Variants in PHLDB3 observed in about 807,000 individuals in gnomAD.
The protein encoded by PHLDB3 is pleckstrin homology like domain family B member 3, also known as pleckstrin homology-like domain family B member 3.
PHLDB3 carries 86 observed loss-of-function variants against 85.7 expected under a neutral mutation model. The observed-to-expected ratio is 1.00, with a 90% confidence interval of 0.84 to 1.20. PHLDB3 has a LOEUF of 1.20. Ranked by LOEUF, PHLDB3 falls within the 50% of genes most tolerant of loss-of-function variation. The pLI, the probability that PHLDB3 is intolerant of heterozygous loss-of-function variation, is 0.00. For synonymous variants in PHLDB3, 376 were observed against 349.8 expected (o/e 1.07, Z -0.83); for missense variants, 995 against 873.0 (o/e 1.14, Z -1.76).
Position 43,501,746 on chromosome 19 carries a change from C to A in PHLDB3, c.522G>T (p.Gln174His). Residue 174 changes from glutamine to histidine, a missense_variant, in exon 4 of 16, where the codon CAG becomes CAT. Gln to His is a conservative substitution (Grantham distance 24). Coordinates refer to ENST00000292140, the MANE Select transcript of PHLDB3 (RefSeq NM_198850.4). ...QQAASEQRGR[Q>H]QREQEQRRLS... ...GAGCCAAACAGACCTGTTCCCGCTG[C>A]TGGCGGCCGCGCTGCTCCGAGGCCG... The A allele has an allele frequency of 6.3e-7, 1 of 1,583,748 alleles. No homozygotes were observed. Among genetic ancestry groups the A allele is most frequent in the African/African-American group, 1.3e-5 (1 of 74,516 alleles).
At position 43,479,588 on chromosome 19, in the gene PHLDB3, T is replaced by A; in HGVS notation, c.1491A>T (p.Pro497=). 1 of 650,460 alleles carries A rather than the reference T, an allele frequency of 1.5e-6. No homozygotes were observed. The highest frequency in any genetic ancestry group is 2.7e-6 in the Non-Finnish European group (1 of 364,628). The allele number at this position is 650,460 out of a possible 1,614,324, so 40.3% of individuals were successfully genotyped here. A position where few individuals can be genotyped will look rare whatever the true frequency, so the allele number is the denominator to read the frequency against. The change falls in exon 14 of 16, where the codon CCA becomes CCT. Residue 497 remains proline (P), a synonymous_variant. Coordinates refer to ENST00000292140, the MANE Select transcript of PHLDB3 (RefSeq NM_198850.4). Reference sequence around the variant, plus strand: ...GGCCTGGAGGGTGGGGTGGGGTGGGTGGGGCCTGGGGAGCAAAGAGACGGG... The same window carrying A: ...GGCCTGGAGGGTGGGGTGGGGTGGGAGGGGCCTGGGGAGCAAAGAGACGGG... ...SGPAVPAITA[P]PTPPHPPGPR...
intron 15 of PHLDB3, among the ~76,000 whole-genome samples, chr19:43,477,770 T>C (rs990109894): frequency 6.8e-6 from 1 of 147,126 alleles, no homozygotes; most frequent in Non-Finnish European, 1.5e-5. Context: ...ATGGCGCCAC[T>C]GTACTCAGGC....
rs1386475776 is a variant in PHLDB3 at position 43,492,947 on chromosome 19, A to G, written c.1149+1755T>C. ...AAATGAGGCAACTGTAAATGTATCA[A>G]TGTAAAACAATCTCCAAGATAGAGT... On this transcript the variant is annotated intron_variant, in intron 9 of 15. Coordinates refer to ENST00000292140, the MANE Select transcript of PHLDB3 (RefSeq NM_198850.4). Among the ~76,000 whole-genome samples, 5 of 152,258 alleles carry G rather than the reference A, an allele frequency of 3.3e-5. 1 individual carries two copies. The highest frequency in any genetic ancestry group is 1.3e-4 in the Admixed American group (2 of 15,268).
rs746408202 is a variant in PHLDB3 at position 43,502,057 on chromosome 19, C to T, written c.396+44G>A. ...GCTGGGAGTCCGGCTTTGCGGGTTC[C>T]GCTTGAGTTGGGGCCAGGCTTCCCA... is the stretch of plus-strand genomic sequence containing the variant. On this transcript the variant is annotated intron_variant, in intron 3 of 15. Coordinates refer to ENST00000292140, the MANE Select transcript of PHLDB3 (RefSeq NM_198850.4). 7 of 1,538,894 alleles carry T rather than the reference C, an allele frequency of 4.5e-6. No homozygotes were observed. In the South Asian group the frequency reaches 4.8e-5, roughly 11 times the overall value.
intron 13 of PHLDB3, among the ~76,000 whole-genome samples, chr19:43,480,492 TG>T (rs1971023559): frequency 6.6e-6 from 1 of 151,968 alleles, no homozygotes; most frequent in African/African-American, 2.4e-5. Flanking sequence ...CTAAGGAGGC[TG>T]AGCCCAGGAG....
At chr19:43,487,591 A>AAC (rs1555754935) in intron 9 of PHLDB3, among the ~76,000 whole-genome samples, 24 of 115,812 alleles carry the variant, frequency 2.1e-4, no homozygotes, top group Admixed American at 9.5e-4. Context: ...AAAAAAAAAA[A>AAC]ACACAGAAAA....
At chr19:43,478,339 G>T (rs1970970311) in intron 14 of PHLDB3, among the ~76,000 whole-genome samples, 1 of 152,146 alleles carries the variant, frequency 6.6e-6, no homozygotes, top group South Asian at 2.1e-4. Flanking sequence ...TGATTGGGGA[G>T]TGGGGTCTGT....
chr19:43,503,779 C>T, intron 2 of PHLDB3, 127 bp downstream of exon 2: 3 of 1,066,508 alleles, frequency 2.8e-6, no homozygotes, highest in South Asian at 3.0e-5. Flanking sequence ...TCTGCTATCA[C>T]TCGGTCTCTC....
intron 1 of PHLDB3, 35 bp from the exon 2 acceptor site, chr19:43,504,167 G>T (rs752425896): frequency 3.3e-6 from 5 of 1,522,270 alleles, no homozygotes; most frequent in East Asian, 2.4e-5. Flanking sequence ...CTCCGGGGGC[G>T]GGGCCTAGGA....
At position 43,479,542 on chromosome 19, in the gene PHLDB3, G is replaced by T. The variant is rs1167279696; in HGVS notation, c.1537C>A (p.Gln513Lys). Residue 513 changes from glutamine to lysine, a missense_variant, in exon 14 of 16, where the codon CAG (glutamine) becomes AAG (lysine). By Grantham distance (53) the Gln-to-Lys change is moderately conservative. Transcript: ENST00000292140. ...PPGPRILDLR[Q>K]HLEGWGHNPE... is the part of the protein sequence containing the mutation. ...TTGTGGCCCCATCCCTCCAGATGCT[G>T]CCGGAGATCCAAGATTCGCGGGCCT... 6.5e-7 allele frequency: 1 copy of T among 1,542,390 alleles called. No homozygotes were observed. The highest frequency in any genetic ancestry group is 1.2e-5 in the South Asian group (1 of 83,902).
chr19:43,503,597 T>C (rs961149603), intron 2 of PHLDB3, among the ~76,000 whole-genome samples: 1 of 152,030 alleles, frequency 6.6e-6, no homozygotes, highest in Non-Finnish European at 1.5e-5. Context: ...GTGAGCCACC[T>C]ATCTGGTTCC....
chr19:43,501,754 C>CCGGTGA lies in PHLDB3; in HGVS notation c.513_514insTCACCG (p.Arg171_Gly172insSerPro). The stretch of plus-strand genomic sequence containing the variant: ...CAGACCTGTTCCCGCTGCTGGCGGC[C>CCGGTGA]GCGCTGCTCCGAGGCCGCCTGCTGC... On this transcript the variant is annotated inframe_insertion, in exon 4 of 16. Transcript: ENST00000292140. The CCGGTGA allele has an allele frequency of 6.3e-7, 1 of 1,583,216 alleles. No homozygotes were observed. Among genetic ancestry groups the CCGGTGA allele is most frequent in the African/African-American group, 1.3e-5 (1 of 74,438 alleles).
chr19:43,496,915 G>GT, intron 6 of PHLDB3: 1 of 780,528 alleles, frequency 1.3e-6, no homozygotes, highest in Non-Finnish European at 1.7e-6. Flanking sequence ...TAAGTTTGTT[G>GT]TAAGGATTCA....
At position 43,475,473 on chromosome 19, in the gene PHLDB3, G is replaced by C. The variant is rs1312999810; in HGVS notation, c.1860C>G (p.Pro620=). 6.2e-7 allele frequency: 1 copy of C among 1,613,388 alleles called. No homozygotes were observed. Among genetic ancestry groups the C allele is most frequent in the African/African-American group, 1.3e-5 (1 of 75,034 alleles). Residue 620 remains proline, a synonymous_variant, in exon 16 of 16, where the codon CCC becomes CCG. Coordinates refer to ENST00000292140, the MANE Select transcript of PHLDB3 (RefSeq NM_198850.4). ...CGTCCATCCAAATGCGCATGGCTTC[G>C]GGGCTCGGAGCCACCATGTAGAAAA... is the stretch of plus-strand genomic sequence containing the variant. ...ERLFYMVAPS[P]EAMRIWMDVI...
intron 9 of PHLDB3, among the ~76,000 whole-genome samples, chr19:43,489,365 T>TA (rs1971260021): frequency 8.4e-6 from 1 of 118,678 alleles, no homozygotes; most frequent in Admixed American, 8.7e-5. Flanking sequence ...ATCTATCTCT[T>TA]AAAGTTTTTT....
chr19:43,495,047 G>A (rs59772657), intron 8 of PHLDB3, among the ~76,000 whole-genome samples: 17,088 of 150,748 alleles, frequency 0.11, 964 homozygotes, highest in African/African-American at 0.14. Flanking sequence ...GAGGGAGGTG[G>A]GGCTGGGGCC....
intron 13 of PHLDB3, chr19:43,485,974 G>C: frequency 4.1e-6 from 4 of 985,382 alleles, no homozygotes; most frequent in Non-Finnish European, 4.8e-6. Context: ...ATAAGTCCCA[G>C]CATGGACTTG....
At chr19:43,483,037 CTA>C (rs1242965633) in intron 13 of PHLDB3, among the ~76,000 whole-genome samples, 12 of 152,168 alleles carry the variant, frequency 7.9e-5, no homozygotes, top group Non-Finnish European at 7.3e-5. Flanking sequence ...TTGGTCACTG[CTA>C]TGACCCAGGG....
intron 9 of PHLDB3, among the ~76,000 whole-genome samples, chr19:43,487,574 C>CAAAAAAAAAAAAAAA (rs760708749): frequency 0.023 from 881 of 38,246 alleles, 93 homozygotes; most frequent in East Asian, 0.12. Context: ...GACTCTGTCT[C>CAAAAAAAAAAAAAAA]AAAAAAAAAA....
Sources: allele counts gnomAD v4.1 joint callset (sites outside exome capture counted in the v4.1 genomes callset), GRCh38; gene constraint gnomAD v4.1.1; transcripts MANE v1.5; gene names NCBI Gene and HGNC (gene_info 2026-07-23, HGNC 2026-07-21).